AGFG1: variants seen among roughly 807,000 people sequenced by gnomAD.
The protein encoded by AGFG1 is ArfGAP with FG repeats 1, also known as arf-GAP domain and FG repeat-containing protein 1.
A neutral mutation model predicts 60.6 loss-of-function variants in AGFG1; 10 were observed. The observed-to-expected ratio is 0.16, with a 90% confidence interval of 0.10 to 0.28. AGFG1 has a LOEUF of 0.28. AGFG1 is among the 10% of genes least tolerant of loss of function. AGFG1 has a pLI of 1.00. For missense variants in AGFG1, 537 were observed against 676.5 expected, an observed-to-expected ratio of 0.79 and a Z score of 2.29; for synonymous variants, 247 against 242.9, an observed-to-expected ratio of 1.02 and a Z score of -0.16.
intron 10 of AGFG1, among the ~76,000 whole-genome samples, chr2:227,539,459 A>C (rs1256676022): frequency 3.3e-5 from 5 of 150,612 alleles, no homozygotes; most frequent in African/African-American, 4.9e-5. Flanking sequence ...AACAAAAAAC[A>C]CATGTTAACA....
chr2:227,483,918 T>C (rs1690542193), intron 1 of AGFG1, among the ~76,000 whole-genome samples: 1 of 152,152 alleles, frequency 6.6e-6, no homozygotes, highest in Admixed American at 6.5e-5. Context: ...GGAATTCCGT[T>C]TTCTTTTTTT....
chr2:227,509,231 C>G (rs769571216), intron 2 of AGFG1, among the ~76,000 whole-genome samples: 12 of 152,120 alleles, frequency 7.9e-5, no homozygotes, highest in Admixed American at 2.0e-4. Flanking sequence ...ACGTCACTTA[C>G]ATAGTATCTT....
rs774831247 is a variant in AGFG1, at chr2:227,524,924, T to C, written c.694+9T>C. The C allele has an allele frequency of 1.5e-5, 25 of 1,613,398 alleles. No homozygotes were observed. The highest frequency in any genetic ancestry group is 1.9e-5 in the Non-Finnish European group (22 of 1,179,504). On this transcript the variant is annotated intron_variant, in intron 5 of 12. Transcript: ENST00000310078. The stretch of plus-strand genomic sequence containing the variant: ...TTTCAACAGTCATGCAGGTAAGTGT[T>C]TTTTCCCAACAGCTTTTGCTGGGGA...
In AGFG1 at chr2:227,515,074, C is replaced by A. The variant is rs114601259; in HGVS notation, c.262-4874C>A. On this transcript the variant is annotated intron_variant, in intron 2 of 12. Coordinates refer to ENST00000310078, the MANE Select transcript of AGFG1 (RefSeq NM_004504.5). Reference sequence around the variant, plus strand: ...AGTAGCTGGGACTACACATGCACCACCATGCTCAGTGAATTTTTATATTTT... The same window carrying A: ...AGTAGCTGGGACTACACATGCACCAACATGCTCAGTGAATTTTTATATTTT... Among the ~76,000 whole-genome samples the A allele has an allele frequency of 1.4e-3, 219 of 152,170 alleles. 2 individuals carry two copies. Among genetic ancestry groups the A allele is most frequent in the African/African-American group, 4.4e-3 (184 of 41,522 alleles).
intron 2 of AGFG1, among the ~76,000 whole-genome samples, chr2:227,504,408 G>A (rs1031077938): frequency 6.6e-6 from 1 of 152,062 alleles, no homozygotes; most frequent in South Asian, 2.1e-4. Flanking sequence ...GCCCAGGCTG[G>A]TCTCTAACTT....
chr2:227,517,272 A>G (rs1691679871), intron 2 of AGFG1, among the ~76,000 whole-genome samples: 1 of 152,126 alleles, frequency 6.6e-6, no homozygotes, highest in Non-Finnish European at 1.5e-5. Flanking sequence ...AGAAATATAT[A>G]TATAGACAGA....
In AGFG1 at chr2:227,556,751, A is replaced by G. The variant is rs1026566770; in HGVS notation, c.*2256A>G. On this transcript the variant is annotated 3_prime_UTR_variant, in exon 13 of 13. Coordinates refer to ENST00000310078, the MANE Select transcript of AGFG1 (RefSeq NM_004504.5). ...TCTTACTGACTTTAAATTAGCGCTTATAAAATAAAAATGTTTAGTTCAAGA... is the reference window on the plus strand; with the variant it reads ...TCTTACTGACTTTAAATTAGCGCTTGTAAAATAAAAATGTTTAGTTCAAGA... 6.6e-6 allele frequency: 1 copy of G among 152,496 alleles called. No individual in the cohort carries two copies. Among genetic ancestry groups the G allele is most frequent in the Non-Finnish European group, 1.5e-5 (1 of 68,044 alleles). The allele number at this position is 152,496 out of a possible 1,614,324, so 9.4% of individuals were successfully genotyped here.
intron 2 of AGFG1, among the ~76,000 whole-genome samples, chr2:227,518,952 C>G (rs535979167): frequency 1.3e-5 from 2 of 152,058 alleles, no homozygotes; most frequent in Non-Finnish European, 2.9e-5. Context: ...GCGGGCAGAT[C>G]GCTTGAGCTC....
chr2:227,504,188 A>G (rs540490494), intron 2 of AGFG1, among the ~76,000 whole-genome samples: 3,328 of 138,578 alleles, frequency 0.024, 38 homozygotes, highest in Middle Eastern at 0.037. Flanking sequence ...CTTGGTGTAA[A>G]TTTTTTTTTT....
At chr2:227,501,522 T>C (rs1410628603) in intron 2 of AGFG1, among the ~76,000 whole-genome samples, 2 of 152,222 alleles carry the variant, frequency 1.3e-5, no homozygotes, top group Non-Finnish European at 2.9e-5. Flanking sequence ...CAAAGCCCTA[T>C]ACAAATATAC....
At position 227,531,145 on chromosome 2, in the gene AGFG1, G is replaced by T. The variant is rs1176944114; in HGVS notation, c.749G>T (p.Ser250Ile). ...AACTTTGATGCATTTGGACAGTCTA[G>T]TGGTTCGAGTAATTTTGGAGGTTTC... ...FANFDAFGQS[S>I]GSSNFGGFPT... Residue 250 changes from serine to isoleucine, a missense_variant, in exon 6 of 13, where the codon AGT becomes ATT. Physicochemically the swap from Ser to Ile is moderately radical, Grantham distance 142. Transcript: ENST00000310078. 4 of 1,613,786 alleles carry T rather than the reference G, an allele frequency of 2.5e-6. No individual in the cohort carries two copies. In the South Asian group the frequency reaches 4.4e-5, roughly 18 times the overall value.
At chr2:227,540,342 C>G (rs949528275) in intron 10 of AGFG1, among the ~76,000 whole-genome samples, 6 of 152,026 alleles carry the variant, frequency 3.9e-5, no homozygotes, top group Non-Finnish European at 7.4e-5. Context: ...ATCCCTCCCC[C>G]ACTCTACCCG....
rs115590250 is a variant in AGFG1 at position 227,532,050 on chromosome 2, C to G, written c.814+840C>G. On this transcript the variant is annotated intron_variant, in intron 6 of 12. Coordinates refer to ENST00000310078, the MANE Select transcript of AGFG1 (RefSeq NM_004504.5). ...ATTACTTTTCTTTCAACTTTTAACT[C>G]TGTGTATTGTCTTAAAGCCTTTTCT... The G allele has an allele frequency of 3.1e-3, 3,105 of 1,011,528 alleles. 63 individuals carry two copies. The African/African-American group carries it at 0.046, about 15-fold the overall frequency. 62.7% of individuals were successfully genotyped at this position (1,011,528 alleles called of 1,614,324 possible).
intron 2 of AGFG1, among the ~76,000 whole-genome samples, chr2:227,518,516 CTTTTT>C (rs1222543055): frequency 2.0e-5 from 2 of 102,370 alleles, no homozygotes; most frequent in African/African-American, 7.4e-5. Context: ...GTCTCAGTGT[CTTTTT>C]TTTTTTTTTT....
At chr2:227,497,730 GTTTTGTTTTTTTTTTT>G (rs747895334) in intron 2 of AGFG1, among the ~76,000 whole-genome samples, 7 of 38,940 alleles carry the variant, frequency 1.8e-4, no homozygotes, top group South Asian at 1.9e-3. Context: ...TTTCTTTCTT[GTTTTGTTTTTTTTTTT>G]TTTTTTTTTT....
intron 2 of AGFG1, among the ~76,000 whole-genome samples, chr2:227,508,938 T>C (rs1487231025): frequency 2.0e-5 from 3 of 152,170 alleles, no homozygotes; most frequent in East Asian, 1.9e-4. Context: ...GTGTGGAAGT[T>C]GGTTATTCAA....
intron 2 of AGFG1, among the ~76,000 whole-genome samples, chr2:227,504,133 A>G (rs1691237523): frequency 6.6e-6 from 1 of 151,638 alleles, no homozygotes; most frequent in South Asian, 2.1e-4. Context: ...TGTCTTGGAG[A>G]TAACAGACTG....
intron 1 of AGFG1, among the ~76,000 whole-genome samples, chr2:227,488,583 C>A (rs1690707058): frequency 6.6e-6 from 1 of 152,072 alleles, no homozygotes; most frequent in Non-Finnish European, 1.5e-5. Flanking sequence ...TAAGGAGAGA[C>A]AAAGTTGCAA....
intron 10 of AGFG1, chr2:227,549,914 A>C (rs1187980987): frequency 4.1e-6 from 1 of 242,842 alleles, no homozygotes; most frequent in African/African-American, 2.3e-5. Flanking sequence ...TATTTTGTGA[A>C]TGTGTTTTTG....
Sources: allele counts gnomAD v4.1 joint callset (sites outside exome capture counted in the v4.1 genomes callset), GRCh38; gene constraint gnomAD v4.1.1; transcripts MANE v1.5; gene names NCBI Gene and HGNC (gene_info 2026-07-23, HGNC 2026-07-21).